MED16: variants seen among roughly 807,000 people sequenced by gnomAD.
MED16 encodes mediator complex subunit 16, also known as mediator of RNA polymerase II transcription subunit 16.
Under a neutral mutation model 84.4 loss-of-function variants are expected in MED16, and 81 were observed. The observed-to-expected ratio is 0.96, with a 90% CI of 0.80 to 1.15. MED16 has a LOEUF of 1.15. Among genes scored for constraint, MED16 ranks in the 50% most tolerant of loss-of-function variants. The pLI, the probability that MED16 is intolerant of heterozygous loss-of-function variation, is 0.00. For missense variants in MED16, 1,585 were observed against 1,245.9 expected (o/e 1.27, Z -4.10); for synonymous variants, 897 against 552.2 (o/e 1.62, Z -8.76).
intron 10 of MED16, 49 bp downstream of exon 10, chr19:875,195 T>A: frequency 8.0e-7 from 1 of 1,243,230 alleles, no homozygotes; most frequent in South Asian, 1.6e-5. Context: ...AAAAATAAAA[T>A]AAATAGATGA....
At chr19:872,203 G>C in intron 11 of MED16, 85 bp from the exon 12 acceptor site, 2 of 1,189,920 alleles carry the variant, frequency 1.7e-6, no homozygotes, top group African/African-American at 1.5e-5. Context: ...GTGGAACCCC[G>C]ACCGGGGGGC....
chr19:882,331 G>A (rs941518806), intron 6 of MED16, among the ~76,000 whole-genome samples: 2 of 152,132 alleles, frequency 1.3e-5, no homozygotes, highest in Admixed American at 1.3e-4. Context: ...AACACAGCAA[G>A]ACCCCATTCT....
At chr19:885,551 G>A (rs1313193042) in intron 5 of MED16, among the ~76,000 whole-genome samples, 2 of 152,140 alleles carry the variant, frequency 1.3e-5, no homozygotes, top group Admixed American at 6.5e-5. Context: ...CTGTGGCCAC[G>A]AAGCGGGAGG....
At chr19:877,209 C>A in intron 8 of MED16, 29 bp from the exon 9 acceptor site, 3 of 1,585,860 alleles carry the variant, frequency 1.9e-6, no homozygotes, top group South Asian at 1.1e-5. Flanking sequence ...AAGGAGAGCC[C>A]GGTGAGATGG....
chr19:868,610 TG>T (rs2035972768), intron 14 of MED16, 111 bp from the exon 15 acceptor site: 1 of 1,414,788 alleles, frequency 7.1e-7, no homozygotes, highest in African/African-American at 1.4e-5. Flanking sequence ...CCCTCACGCC[TG>T]CTCCCCACGT....
At chr19:887,069 A>T (rs1044920993) in intron 4 of MED16, among the ~76,000 whole-genome samples, 3 of 151,792 alleles carry the variant, frequency 2.0e-5, no homozygotes, top group Non-Finnish European at 2.9e-5. Context: ...ACGAGAGCAA[A>T]ACTTTGTCTC....
intron 13 of MED16, among the ~76,000 whole-genome samples, chr19:869,309 A>G (rs1432508754): frequency 6.6e-6 from 1 of 151,988 alleles, no homozygotes; most frequent in Non-Finnish European, 1.5e-5. Context: ...GGCTGGACAG[A>G]AGCAGGTACA....
rs1442294893 is a variant in MED16, at chr19:884,809, C to T, written c.985+94G>A. 5 of 990,534 alleles carry T rather than the reference C, an allele frequency of 5.0e-6. No individual in the cohort carries two copies. In the African/African-American group the frequency reaches 6.4e-5, roughly 13 times the overall value. The allele number at this position is 990,534 out of a possible 1,614,324, so 61.4% of individuals were successfully genotyped here. A position where few individuals can be genotyped will look rare whatever the true frequency, so the allele number is the denominator to read the frequency against. On this transcript the variant is annotated intron_variant, in intron 6 of 15. Transcript: ENST00000325464. ...ATCGCTTAGGGCCGGGGTTCAGGAC[C>T]ACCCTGGGTGACACAGCAAGACCTG...
At chr19:881,962 C>T (rs910304887) in intron 6 of MED16, among the ~76,000 whole-genome samples, 1 of 152,196 alleles carries the variant, frequency 6.6e-6, no homozygotes, top group African/African-American at 2.4e-5. Context: ...ACCTGTGGGC[C>T]GGCACCATCT....
At position 880,035 on chromosome 19, in the gene MED16, T is replaced by A. The variant is rs529929012; in HGVS notation, c.1255A>T (p.Met419Leu). 22 of 1,610,970 alleles carry A rather than the reference T, an allele frequency of 1.4e-5. No individual in the cohort carries two copies. The African/African-American group carries it at 2.7e-4, about 20-fold the overall frequency. The change falls in exon 8 of 16, where the codon ATG (methionine) becomes TTG (leucine). Residue 419 changes from methionine to leucine, a missense_variant. Transcript: ENST00000325464. ...GGGCCCGCGGTGCGGGGGCGCTTCA[T>A]GGCCGGCTCATCCACAGGCCTCGGG... ...AAPRPVDEPA[M>L]KRPRTAGPAV...
intron 1 of MED16, chr19:892,881 A>AGCCCCGAGCCCCGAGCCCCGCGCCCCGC (rs1555719500): frequency 7.3e-6 from 1 of 137,866 alleles, no homozygotes; most frequent in African/African-American, 2.8e-5. Flanking sequence ...CTGAGCCCCG[A>AGCCCCGAGCCCCGAGCCCCGCGCCCCGC]GCCCCGCGCC....
In MED16 at chr19:877,263, G is replaced by T. The variant is rs376924513; in HGVS notation, c.1354-83C>A. ...GAGAGGAATGGGGCCCTGGGGCTGC[G>T]GCACGTGTGTGGATCTGTGTGCGCG... On this transcript the variant is annotated intron_variant, in intron 8 of 15. Coordinates refer to ENST00000325464, the MANE Select transcript of MED16 (RefSeq NM_005481.3). 2.2e-6 allele frequency: 3 copies of T among 1,378,000 alleles called. No homozygotes were observed. In the African/African-American group the frequency reaches 4.3e-5, roughly 20 times the overall value. 85.4% of individuals were successfully genotyped at this position (1,378,000 alleles called of 1,614,324 possible). A position where few individuals can be genotyped will look rare whatever the true frequency, so the allele number is the denominator to read the frequency against.
intron 6 of MED16, among the ~76,000 whole-genome samples, chr19:883,872 G>C (rs192840639): frequency 6.6e-6 from 1 of 152,274 alleles, no homozygotes; most frequent in East Asian, 1.9e-4. Context: ...AGGCCCTGGG[G>C]ACCGGGCGAA....
intron 10 of MED16, among the ~76,000 whole-genome samples, 173 bp downstream of exon 10, chr19:875,071 G>A (rs942658206): frequency 1.3e-5 from 2 of 152,194 alleles, no homozygotes; most frequent in Non-Finnish European, 2.9e-5. Context: ...GGCTGAGGCA[G>A]GAGAATCACT....
At position 874,934 on chromosome 19, in the gene MED16, G is replaced by A. The variant is rs376638410; in HGVS notation, c.1771+310C>T. On this transcript the variant is annotated intron_variant, in intron 10 of 15. Coordinates refer to ENST00000325464, the MANE Select transcript of MED16 (RefSeq NM_005481.3). ...TCCCAGCACTTTAGGAGGCCGAGGC[G>A]GGCGGATCATTTGAGGTCAAGAGTT... Among the ~76,000 whole-genome samples, 56 of 152,066 alleles carry A rather than the reference G, an allele frequency of 3.7e-4. No individual in the cohort carries two copies. The South Asian group carries it at 9.3e-3, about 25-fold the overall frequency.
At chr19:878,918 C>CCCCGGT (rs2036338768) in intron 8 of MED16, among the ~76,000 whole-genome samples, 1 of 1,804 alleles carries the variant, frequency 5.5e-4, no homozygotes, top group Non-Finnish European at 1.8e-3. Context: ...TGTCCACCAG[C>CCCCGGT]CCCGGCCCCG....
chr19:887,038 C>G (rs2036539597), intron 4 of MED16, among the ~76,000 whole-genome samples: 1 of 151,580 alleles, frequency 6.6e-6, no homozygotes, highest in South Asian at 2.1e-4. Flanking sequence ...GAGATCACAC[C>G]ATTACACTCT....
At chr19:884,586 C>T (rs1651277036) in intron 6 of MED16, among the ~76,000 whole-genome samples, 1 of 152,306 alleles carries the variant, frequency 6.6e-6, no homozygotes, top group Non-Finnish European at 1.5e-5. Flanking sequence ...CACAGCCGCC[C>T]ACACGCCTGC....
chr19:870,034 AC>A (rs1161784063), intron 13 of MED16, among the ~76,000 whole-genome samples: 1 of 152,058 alleles, frequency 6.6e-6, no homozygotes, highest in African/African-American at 2.4e-5. Flanking sequence ...GGTTGCCCAA[AC>A]CCCGCACATT....
Sources: gnomAD v4.1 joint callset for allele counts (sites outside exome capture counted in the v4.1 genomes callset) on GRCh38, gnomAD v4.1.1 for gene constraint, MANE v1.5 for transcripts, NCBI Gene and HGNC (gene_info 2026-07-23, HGNC 2026-07-21) for gene names.